BABAM1: variants seen among roughly 807,000 people sequenced by gnomAD.
BABAM1 encodes the protein BRISC and BRCA1 A complex member 1.
A neutral mutation model predicts 34.4 loss-of-function variants in BABAM1; 14 were observed. The observed-to-expected ratio is 0.41, with a 90% CI of 0.27 to 0.64. BABAM1 has a LOEUF of 0.64. Ranked by LOEUF, BABAM1 falls within the 30% of genes least tolerant of loss-of-function variation. BABAM1 has a pLI of 0.34. For synonymous variants in BABAM1, 169 were observed against 165.8 expected (o/e 1.02, Z -0.15); for missense variants, 393 against 434.0 (o/e 0.91, Z 0.84).
At position 17,269,036 on chromosome 19, in the gene BABAM1, C is replaced by T. The variant is rs1175226015; in HGVS notation, c.230C>T (p.Pro77Leu). ...GGCCCTAAGTCCTGGCAGGTGCCCCCGCCAGCCCCTGAGGTCCAAATTCGG... is the reference window on the plus strand; with the variant it reads ...GGCCCTAAGTCCTGGCAGGTGCCCCTGCCAGCCCCTGAGGTCCAAATTCGG... ...GAGPKSWQVP[P>L]PAPEVQIRTP... Residue 77 changes from proline to leucine, a missense_variant, in exon 2 of 9, where the codon CCG (proline) becomes CTG (leucine). Transcript: ENST00000598188. 11 of 1,600,688 alleles carry T rather than the reference C, an allele frequency of 6.9e-6. No homozygotes were observed. Among genetic ancestry groups the T allele is most frequent in the South Asian group, 1.1e-5 (1 of 88,844 alleles).
chr19:17,269,740 G>GT (rs983484071), intron 2 of BABAM1, among the ~76,000 whole-genome samples: 15 of 140,082 alleles, frequency 1.1e-4, no homozygotes, highest in African/African-American at 3.3e-4. Flanking sequence ...TTTTTTTTTT[G>GT]TTTTTTTGAG....
intron 3 of BABAM1, among the ~76,000 whole-genome samples, 199 bp from the exon 4 acceptor site, chr19:17,273,705 G>GA (rs2073873643): frequency 2.0e-5 from 3 of 151,716 alleles, no homozygotes; most frequent in African/African-American, 7.3e-5. Context: ...TGGGATTACA[G>GA]GCACTCGCCA....
At chr19:17,271,516 C>T (rs914179478) in intron 2 of BABAM1, 81 bp from the exon 3 acceptor site, 2 of 1,479,858 alleles carry the variant, frequency 1.4e-6, no homozygotes, top group African/African-American at 2.8e-5. Flanking sequence ...TCAGACAAGG[C>T]AGCTTGAAGA....
chr19:17,278,722 T>C, intron 8 of BABAM1, 123 bp from the exon 9 acceptor site: 1 of 899,460 alleles, frequency 1.1e-6, no homozygotes. Flanking sequence ...GGCAAACTCC[T>C]CTTCACCCTT....
rs776515963 is a variant in BABAM1, at chr19:17,273,988, G to T, written c.429G>T (p.Glu143Asp). 3 of 1,614,016 alleles carry T rather than the reference G, an allele frequency of 1.9e-6. No individual in the cohort carries two copies. In the South Asian group the frequency reaches 3.3e-5, roughly 18 times the overall value. Reference sequence around the variant, plus strand: ...AACACAAGATCGACAAAAGCCACGAGTTTGCACTGGTGGTGGTGAACGATG... The same window carrying T: ...AACACAAGATCGACAAAAGCCACGATTTTGCACTGGTGGTGGTGAACGATG... The part of the protein sequence containing the change: ...RTKHKIDKSH[E>D]FALVVVNDDT... Residue 143 changes from glutamate to aspartate, a missense_variant, in exon 4 of 9, where the codon GAG (glutamate) becomes GAT (aspartate). Transcript: ENST00000598188.
chr19:17,275,014 T>G (rs553352381), intron 5 of BABAM1, among the ~76,000 whole-genome samples: 1 of 152,192 alleles, frequency 6.6e-6, no homozygotes, highest in East Asian at 1.9e-4. Flanking sequence ...CAAGCGATTC[T>G]CCTGCCTTAG....
Position 17,276,554 on chromosome 19 carries a change from TG to T in BABAM1, c.631del (p.Val211SerfsTer18). ...ENVQTIPPPY[V>X]VRTILVYSRP... ...GTGCAGACGATTCCCCCGCCATATG[TG>T]GTCCGCACCATCCTTGTCTACAGCC... On this transcript the variant is annotated frameshift_variant, in exon 7 of 9. Transcript: ENST00000598188. LOFTEE classifies it high-confidence loss of function. The T allele has an allele frequency of 6.2e-7, 1 of 1,605,672 alleles. No homozygotes were observed. The highest frequency in any genetic ancestry group is 8.5e-7 in the Non-Finnish European group (1 of 1,176,358).
intron 8 of BABAM1, 58 bp from the exon 9 acceptor site, chr19:17,278,787 G>A: frequency 6.6e-7 from 1 of 1,507,830 alleles, no homozygotes; most frequent in Non-Finnish European, 9.1e-7. Flanking sequence ...GATATGAAGG[G>A]CCTGTTGGGG....
chr19:17,273,559 G>GTTTGTTT (rs2073868735), intron 3 of BABAM1, among the ~76,000 whole-genome samples: 2 of 24,614 alleles, frequency 8.1e-5, no homozygotes, highest in African/African-American at 4.2e-4. Context: ...TTTTTTGTTT[G>GTTTGTTT]TTTTGTTTTT....
intron 7 of BABAM1, 56 bp from the exon 8 acceptor site, chr19:17,276,767 A>T (rs751018712): frequency 9.6e-6 from 15 of 1,562,990 alleles, no homozygotes; most frequent in Non-Finnish European, 1.2e-5. Flanking sequence ...AGCTATAGTC[A>T]TGGGGCACGG....
At chr19:17,271,722 G>T in intron 3 of BABAM1, 67 bp downstream of exon 3, 3 of 1,534,430 alleles carry the variant, frequency 2.0e-6, no homozygotes, top group Non-Finnish European at 1.8e-6. Context: ...AAAAGATACG[G>T]GGCTCTCACT....
At chr19:17,276,425 T>C in intron 6 of BABAM1, 70 bp from the exon 7 acceptor site, 1 of 1,549,386 alleles carries the variant, frequency 6.5e-7, no homozygotes. Flanking sequence ...ATCTGGGGTC[T>C]CTCTCAGGGT....
In BABAM1 at chr19:17,279,016, G is replaced by A. The variant is rs2073944993; in HGVS notation, c.958G>A (p.Asp320Asn). ...HASYSLLEEE[D>N]EAIEVEATV The stretch of plus-strand genomic sequence containing the variant: ...TTCCTACAGCCTGCTGGAGGAGGAG[G>A]ATGAAGCCATTGAGGTTGAGGCCAC... Residue 320 changes from aspartate (D) to asparagine (N), a missense_variant, in exon 9 of 9, where the codon GAT (aspartate) becomes AAT (asparagine). By Grantham distance (23) the Asp-to-Asn change is conservative (BLOSUM62 1). Coordinates refer to ENST00000598188, the MANE Select transcript of BABAM1 (RefSeq NM_014173.4). 6.2e-7 allele frequency: 1 copy of A among 1,612,358 alleles called. No individual in the cohort carries two copies. The highest frequency in any genetic ancestry group is 2.2e-5 in the East Asian group (1 of 44,858).
chr19:17,268,997 A>G lies in BABAM1; in HGVS notation c.191A>G (p.Asn64Ser). Reference sequence around the variant, plus strand: ...GCCAGTGCTGATGATGGGAGCCTCAACACTTCAGGAGCCGGCCCTAAGTCC... The same window carrying G: ...GCCAGTGCTGATGATGGGAGCCTCAGCACTTCAGGAGCCGGCCCTAAGTCC... The part of the protein sequence containing the change: ...EAASADDGSL[N>S]TSGAGPKSWQ... Residue 64 changes from asparagine (N) to serine (S), a missense_variant, in exon 2 of 9, where the codon AAC (asparagine) becomes AGC (serine). Asn to Ser is a conservative substitution (Grantham distance 46). Coordinates refer to ENST00000598188, the MANE Select transcript of BABAM1 (RefSeq NM_014173.4). 6.3e-7 allele frequency: 1 copy of G among 1,584,858 alleles called. No homozygotes were observed. Among genetic ancestry groups the G allele is most frequent in the Non-Finnish European group, 8.6e-7 (1 of 1,166,698 alleles).
intron 3 of BABAM1, among the ~76,000 whole-genome samples, chr19:17,272,849 C>G (rs1366346525): frequency 2.0e-5 from 3 of 152,084 alleles, no homozygotes; most frequent in Non-Finnish European, 4.4e-5. Flanking sequence ...AAACCCCCAC[C>G]TCCACTAAAA....
At chr19:17,275,498 C>T (rs2073897578) in intron 5 of BABAM1, among the ~76,000 whole-genome samples, 1 of 152,160 alleles carries the variant, frequency 6.6e-6, no homozygotes, top group Non-Finnish European at 1.5e-5. Context: ...CCGTGTTGGC[C>T]AGGCTGGCCT....
At chr19:17,270,420 C>A (rs1417133637) in intron 2 of BABAM1, among the ~76,000 whole-genome samples, 1 of 152,108 alleles carries the variant, frequency 6.6e-6, no homozygotes, top group African/African-American at 2.4e-5. Context: ...GTCTTCTCCG[C>A]TTCTGTCTCC....
In BABAM1 at chr19:17,274,237, A is replaced by T; in HGVS notation, c.544+52A>T. The stretch of plus-strand genomic sequence containing the variant: ...ATGAAGGGGGCTGTCTCCTTCTGTC[A>T]TCCTTGGGGCCCAGGAAAGTCTAAG... On this transcript the variant is annotated intron_variant, in intron 5 of 8. Coordinates refer to ENST00000598188, the MANE Select transcript of BABAM1 (RefSeq NM_014173.4). 2.5e-6 allele frequency: 4 copies of T among 1,590,768 alleles called. No homozygotes were observed. The South Asian group carries it at 4.4e-5, about 18-fold the overall frequency.
chr19:17,279,155 G>A lies in BABAM1; in HGVS notation c.*107G>A. On this transcript the variant is annotated 3_prime_UTR_variant, in exon 9 of 9. Coordinates refer to ENST00000598188, the MANE Select transcript of BABAM1 (RefSeq NM_014173.4). ...CCTCCGGGGTGGGGGGGTTCCAGGA[G>A]GCACGTAGGGTACCTTGCAGGGTCC... 8.3e-7 allele frequency: 1 copy of A among 1,202,060 alleles called. No homozygotes were observed. The highest frequency in any genetic ancestry group is 1.5e-5 in the South Asian group (1 of 67,654). The allele number at this position is 1,202,060 out of a possible 1,614,324, so 74.5% of individuals were successfully genotyped here. A position where few individuals can be genotyped will look rare whatever the true frequency, so the allele number is the denominator to read the frequency against.
Sources: gnomAD v4.1 joint callset for allele counts (sites outside exome capture counted in the v4.1 genomes callset) on GRCh38, gnomAD v4.1.1 for gene constraint, MANE v1.5 for transcripts, NCBI Gene and HGNC (gene_info 2026-07-23, HGNC 2026-07-21) for gene names.